The following SHQ1 variants were observed in gnomAD, a reference collection of about 807,000 sequenced individuals.
SHQ1 encodes protein SHQ1 homolog.
SHQ1 carries 49 observed loss-of-function variants against 53.8 expected under a neutral mutation model. The ratio of observed to expected loss-of-function variants is 0.91; its 90% CI spans 0.72 to 1.16. The LOEUF (loss-of-function observed/expected upper bound fraction) is 1.16, where lower values mean the gene tolerates loss of function less well. Among genes scored for constraint, SHQ1 ranks in the 50% most tolerant of loss-of-function variants. The pLI, the probability that SHQ1 is intolerant of heterozygous loss-of-function variation, is 0.00. For synonymous variants in SHQ1, 243 were observed against 251.0 expected, an observed-to-expected ratio of 0.97 and a Z score of 0.30; for missense variants, 738 against 683.1, an observed-to-expected ratio of 1.08 and a Z score of -0.90.
At chr3:72,784,519 T>C (rs1020323286) in intron 10 of SHQ1, among the ~76,000 whole-genome samples, 3 of 152,288 alleles carry the variant, frequency 2.0e-5, no homozygotes, top group East Asian at 1.9e-4. Flanking sequence ...CCCACTTCCA[T>C]CCAGGATGAA....
intron 9 of SHQ1, among the ~76,000 whole-genome samples, chr3:72,801,370 C>T (rs1292242418): frequency 1.3e-5 from 2 of 152,064 alleles, no homozygotes; most frequent in African/African-American, 2.4e-5. Flanking sequence ...AAAACAATTA[C>T]ACTTCATTTT....
At chr3:72,730,869 TCA>T in the SHQ1 span, among the ~76,000 whole-genome samples, 1 of 150,868 alleles carries the variant, frequency 6.6e-6, no homozygotes, top group African/African-American at 2.4e-5. Context: ...AAGGTTTTCC[TCA>T]CATAGATACA....
intron 4 of SHQ1, among the ~76,000 whole-genome samples, chr3:72,836,592 G>A (rs1708005241): frequency 6.6e-6 from 1 of 152,142 alleles, no homozygotes; most frequent in African/African-American, 2.4e-5. Flanking sequence ...AGCAGAACAT[G>A]AGTGTTCAGA....
At chr3:72,810,277 C>A (rs763491829) in intron 9 of SHQ1, among the ~76,000 whole-genome samples, 1 of 152,116 alleles carries the variant, frequency 6.6e-6, no homozygotes, top group Non-Finnish European at 1.5e-5. Context: ...GAACAGCAAC[C>A]TCCAGAGATA....
At chr3:72,806,851 C>T (rs1264426737) in intron 9 of SHQ1, among the ~76,000 whole-genome samples, 1 of 152,136 alleles carries the variant, frequency 6.6e-6, no homozygotes, top group Non-Finnish European at 1.5e-5. Flanking sequence ...ACTACTTAAT[C>T]CACATTTCTT....
chr3:72,779,875 C>T (rs1706036680), intron 10 of SHQ1, among the ~76,000 whole-genome samples: 2 of 152,150 alleles, frequency 1.3e-5, no homozygotes, highest in Admixed American at 1.3e-4. Flanking sequence ...ATCTATGTGG[C>T]TCTGGTTTAA....
At chr3:72,730,508 C>A in the SHQ1 span, among the ~76,000 whole-genome samples, 1 of 152,162 alleles carries the variant, frequency 6.6e-6, no homozygotes, top group Non-Finnish European at 1.5e-5. Flanking sequence ...CTAAAAGGAA[C>A]CAGAGCCAAC....
At chr3:72,736,938 G>A in the SHQ1 span, among the ~76,000 whole-genome samples, 10 of 151,994 alleles carry the variant, frequency 6.6e-5, no homozygotes, top group South Asian at 2.1e-3. Context: ...AAAGCCACAG[G>A]GAAAGCAGAG....
intron 9 of SHQ1, among the ~76,000 whole-genome samples, chr3:72,806,212 G>A (rs987793245): frequency 1.6e-4 from 25 of 152,178 alleles, no homozygotes; most frequent in Non-Finnish European, 2.9e-5. Context: ...CTCATGGAAG[G>A]AGAATCCGGA....
chr3:72,772,645 G>A, intron 10 of SHQ1: 1 of 709,740 alleles, frequency 1.4e-6, no homozygotes, highest in Admixed American at 2.0e-5. Flanking sequence ...GGAAACAGAA[G>A]ATGTACTAGA....
intron 2 of SHQ1, among the ~76,000 whole-genome samples, chr3:72,844,097 C>G (rs138169416): frequency 1.1e-3 from 173 of 152,142 alleles, no homozygotes; most frequent in South Asian, 2.9e-3. Context: ...TAAATGTCTA[C>G]TAAATGTAGG....
downstream of SHQ1, chr3:72,749,222 A>T (rs756311341): frequency 4.9e-5 from 10 of 202,098 alleles, no homozygotes; most frequent in African/African-American, 6.9e-5. Flanking sequence ...TGGCTTGGTC[A>T]TTCCACTCTC....
intron 6 of SHQ1, among the ~76,000 whole-genome samples, chr3:72,820,772 G>GA (rs1297041413): frequency 1.3e-5 from 2 of 152,132 alleles, no homozygotes; most frequent in Non-Finnish European, 2.9e-5. Flanking sequence ...AATCTCCAGT[G>GA]AAACAAAAGT....
At chr3:72,771,499 G>C (rs548017912) in intron 10 of SHQ1, among the ~76,000 whole-genome samples, 1 of 152,344 alleles carries the variant, frequency 6.6e-6, no homozygotes, top group South Asian at 2.1e-4. Flanking sequence ...TAAGAATATA[G>C]TGAGTTAAGG....
At chr3:72,848,148 C>CAGCTATCT in intron 1 of SHQ1, 50 bp downstream of exon 1, 1 of 1,608,440 alleles carries the variant, frequency 6.2e-7, no homozygotes. Flanking sequence ...CCCTCTAAAG[C>CAGCTATCT]AGCTATCTAA....
intron 9 of SHQ1, among the ~76,000 whole-genome samples, chr3:72,805,099 T>C (rs1241903528): frequency 1.3e-5 from 2 of 152,276 alleles, no homozygotes; most frequent in East Asian, 3.9e-4. Context: ...TATTTTTGTA[T>C]CTAAACATAT....
chr3:72,788,318 C>G (rs910868457), intron 10 of SHQ1, among the ~76,000 whole-genome samples: 1 of 151,694 alleles, frequency 6.6e-6, no homozygotes, highest in Non-Finnish European at 1.5e-5. Context: ...CGCCTCTGCC[C>G]GGCTGCGACC....
chr3:72,846,667 C>A (rs6764538), intron 1 of SHQ1, among the ~76,000 whole-genome samples: 59,578 of 151,842 alleles, frequency 0.39, 12,239 homozygotes, highest in East Asian at 0.66. Context: ...ATGTTCCCTC[C>A]CCTTAAAATT....
chr3:72,733,505 C>G, the SHQ1 span, among the ~76,000 whole-genome samples: 2 of 151,612 alleles, frequency 1.3e-5, no homozygotes, highest in South Asian at 4.2e-4. Flanking sequence ...ATGGTCTAGT[C>G]TCCCCTGGAG....
Sources: gnomAD v4.1 joint callset for allele counts (sites outside exome capture counted in the v4.1 genomes callset) on GRCh38, gnomAD v4.1.1 for gene constraint, MANE v1.5 for transcripts, NCBI Gene and HGNC (gene_info 2026-07-23, HGNC 2026-07-21) for gene names.